Variants in NALCN observed in about 807,000 individuals in gnomAD.
NALCN encodes the protein sodium leak channel, non-selective.
A neutral mutation model predicts 225.3 loss-of-function variants in NALCN; 111 were observed. That is an observed-to-expected ratio of 0.49 (90% CI 0.42 to 0.58). The LOEUF (loss-of-function observed/expected upper bound fraction) is 0.58, where lower values mean the gene tolerates loss of function less well. Ranked by LOEUF, NALCN falls within the 20% of genes least tolerant of loss-of-function variation. The pLI is 0.00. For missense variants in NALCN, 1,378 were observed against 2,202.4 expected (o/e 0.63, Z 7.49); for synonymous variants, 764 against 769.0 (o/e 0.99, Z 0.11).
At chr13:101,184,300 C>T (rs936677460) in intron 14 of NALCN, among the ~76,000 whole-genome samples, 1 of 152,094 alleles carries the variant, frequency 6.6e-6, no homozygotes, top group Non-Finnish European at 1.5e-5. Flanking sequence ...AGGATTTTGA[C>T]CTTTCAGCTT....
At chr13:101,361,310 G>T (rs2046245493) in intron 6 of NALCN, among the ~76,000 whole-genome samples, 1 of 152,104 alleles carries the variant, frequency 6.6e-6, no homozygotes, top group African/African-American at 2.4e-5. Context: ...ATTTGTGAGG[G>T]ACAGAATAGG....
intron 15 of NALCN, among the ~76,000 whole-genome samples, chr13:101,168,978 C>T (rs2038586158): frequency 6.6e-6 from 1 of 152,178 alleles, no homozygotes; most frequent in African/African-American, 2.4e-5. Flanking sequence ...ACTACTCAAC[C>T]TCCAGATTTC....
intron 13 of NALCN, among the ~76,000 whole-genome samples, chr13:101,217,850 G>C (rs964271063): frequency 2.0e-5 from 3 of 152,106 alleles, no homozygotes; most frequent in African/African-American, 7.2e-5. Context: ...GAAGGATCTG[G>C]GGTCCAGATG....
chr13:101,236,816 A>C (rs2041574378), intron 12 of NALCN, among the ~76,000 whole-genome samples: 1 of 150,994 alleles, frequency 6.6e-6, no homozygotes, highest in Non-Finnish European at 1.5e-5. Flanking sequence ...CTAATGCTAG[A>C]TGACGAGTTA....
chr13:101,348,181 C>T (rs74511531), intron 6 of NALCN, among the ~76,000 whole-genome samples: 5,825 of 152,206 alleles, frequency 0.038, 168 homozygotes, highest in Admixed American at 0.078. Context: ...AAAAAAATCA[C>T]ATTTCAGATA....
At chr13:101,067,320 G>A (rs866825099) in intron 39 of NALCN, among the ~76,000 whole-genome samples, 1 of 84,664 alleles carries the variant, frequency 1.2e-5, no homozygotes, top group Middle Eastern at 6.3e-3. Context: ...AGAGGAGGGG[G>A]AAGAGGAGGG....
chr13:101,176,224 TA>T, intron 15 of NALCN, 75 bp downstream of exon 15: 1 of 1,085,826 alleles, frequency 9.2e-7, no homozygotes, highest in South Asian at 2.2e-5. Flanking sequence ...CTCAAATTTT[TA>T]ATATTGCCTA....
intron 3 of NALCN, among the ~76,000 whole-genome samples, chr13:101,383,204 C>T (rs1250596447): frequency 6.6e-6 from 1 of 152,178 alleles, no homozygotes; most frequent in Non-Finnish European, 1.5e-5. Flanking sequence ...ATCACCTTAA[C>T]TCAGGCGTCA....
At chr13:101,117,142 T>C (rs1319263588) in intron 18 of NALCN, 1 of 339,336 alleles carries the variant, frequency 2.9e-6, no homozygotes, top group African/African-American at 2.2e-5. Context: ...GTGTTATTCA[T>C]AAAAATGTTT....
intron 6 of NALCN, among the ~76,000 whole-genome samples, chr13:101,355,206 C>A (rs1337647586): frequency 2.6e-5 from 4 of 152,056 alleles, no homozygotes; most frequent in African/African-American, 9.7e-5. Context: ...GCCTGGAGAA[C>A]CATGAGCCAA....
At chr13:101,087,655 C>T (rs151075301) in intron 30 of NALCN, among the ~76,000 whole-genome samples, 2 of 152,262 alleles carry the variant, frequency 1.3e-5, no homozygotes, top group Admixed American at 6.5e-5. Flanking sequence ...CCCAGATCCC[C>T]CAAACAGGCC....
Position 101,293,082 on chromosome 13 carries a change from T to C in NALCN, c.800-716A>G, listed in dbSNP as rs2043610759. On this transcript the variant is annotated intron_variant, in intron 7 of 43. Transcript: ENST00000251127. ...GTTTAATCCTAACAACACTATAAGA[T>C]GTTTTACAGACAGGGAAACTAAAGC... Among the ~76,000 whole-genome samples the C allele has an allele frequency of 1.3e-5, 2 of 152,206 alleles. 1 individual carries two copies. Among genetic ancestry groups the C allele is most frequent in the South Asian group, 4.1e-4 (2 of 4,832 alleles).
chr13:101,068,586 C>T, intron 38 of NALCN, 109 bp downstream of exon 38: 3 of 1,153,098 alleles, frequency 2.6e-6, no homozygotes, highest in Admixed American at 3.5e-5. Context: ...ATAATTAATG[C>T]CATGAAACAC....
intron 14 of NALCN, chr13:101,180,688 G>A: frequency 5.3e-6 from 1 of 189,100 alleles, no homozygotes. Flanking sequence ...GCTGCCCCTG[G>A]CCCATGTGGG....
chr13:101,167,444 T>C (rs2038492716), intron 15 of NALCN, among the ~76,000 whole-genome samples: 2 of 152,354 alleles, frequency 1.3e-5, no homozygotes, highest in South Asian at 4.1e-4. Flanking sequence ...TTTTAACTTA[T>C]GATATTTTCA....
intron 26 of NALCN, among the ~76,000 whole-genome samples, chr13:101,101,285 T>G (rs988150100): frequency 7.1e-6 from 1 of 140,830 alleles, no homozygotes; most frequent in South Asian, 2.3e-4. Context: ...TTTTTTCTTT[T>G]TTTTTTTTTT....
intron 7 of NALCN, among the ~76,000 whole-genome samples, chr13:101,321,812 A>G (rs4771391): frequency 0.35 from 52,940 of 152,008 alleles, 9,224 homozygotes; most frequent in Admixed American, 0.41. Context: ...CAAAGTCAAA[A>G]ATGTCATACA....
intron 16 of NALCN, among the ~76,000 whole-genome samples, chr13:101,143,643 T>G (rs2037204314): frequency 6.6e-6 from 1 of 152,004 alleles, no homozygotes; most frequent in East Asian, 1.9e-4. Context: ...TTTGTATTTT[T>G]ACTAGAGATG....
intron 11 of NALCN, 72 bp from the exon 12 acceptor site, chr13:101,237,994 T>C: frequency 6.9e-7 from 1 of 1,439,178 alleles, no homozygotes; most frequent in South Asian, 1.3e-5. Context: ...CACATATTTG[T>C]CAGTGTATGA....
Sources: gnomAD v4.1 joint callset for allele counts (sites outside exome capture counted in the v4.1 genomes callset) on GRCh38, gnomAD v4.1.1 for gene constraint, MANE v1.5 for transcripts, NCBI Gene and HGNC (gene_info 2026-07-23, HGNC 2026-07-21) for gene names.